RBFOX3: variants seen among roughly 807,000 people sequenced by gnomAD.
RBFOX3 encodes RNA binding protein fox-1 homolog 3.
RBFOX3 carries 17 observed loss-of-function variants against 48.7 expected under a neutral mutation model. The ratio of observed to expected loss-of-function variants is 0.35; its 90% CI spans 0.24 to 0.52. The LOEUF (loss-of-function observed/expected upper bound fraction) is 0.52, where lower values mean the gene tolerates loss of function less well. RBFOX3 is among the 20% of genes least tolerant of loss of function. RBFOX3 has a pLI of 0.94. For missense variants in RBFOX3, 382 were observed against 497.5 expected (o/e 0.77, Z 2.21); for synonymous variants, 212 against 209.5 (o/e 1.01, Z -0.10).
intron 4 of RBFOX3, among the ~76,000 whole-genome samples, chr17:79,197,023 C>T (rs925584345): frequency 6.6e-6 from 1 of 152,154 alleles, no homozygotes; most frequent in South Asian, 2.1e-4. Flanking sequence ...AAGTAGTAGG[C>T]ACTGGGGCTG....
intron 4 of RBFOX3, among the ~76,000 whole-genome samples, chr17:79,163,384 G>A (rs1035310752): frequency 6.6e-6 from 1 of 152,236 alleles, no homozygotes; most frequent in Admixed American, 6.5e-5. Flanking sequence ...AGAGATCCCG[G>A]AAACAAGACT....
intron 4 of RBFOX3, among the ~76,000 whole-genome samples, chr17:79,219,617 C>T (rs142143849): frequency 3.3e-5 from 5 of 151,974 alleles, no homozygotes; most frequent in Non-Finnish European, 7.4e-5. Flanking sequence ...CACAGGGGCT[C>T]GCAGAGGAAG....
chr17:79,260,457 CT>C (rs1244493723), intron 3 of RBFOX3, among the ~76,000 whole-genome samples: 1 of 152,226 alleles, frequency 6.6e-6, no homozygotes, highest in Non-Finnish European at 1.5e-5. Context: ...AGAACGTGGC[CT>C]GAGAAGGGCC....
At chr17:79,438,590 ACTCCCCGTCTC>A (rs1297431353) in intron 2 of RBFOX3, among the ~76,000 whole-genome samples, 1 of 151,930 alleles carries the variant, frequency 6.6e-6, no homozygotes, top group African/African-American at 2.4e-5. Flanking sequence ...CTCTGGGGTC[ACTCCCCGTCTC>A]CTCTCCCCTC....
chr17:79,547,860 C>G lies in RBFOX3; in HGVS notation c.-320+62966G>C, dbSNP rs370432163. 2.6e-5 allele frequency among the ~76,000 whole-genome samples: 4 copies of G among 152,126 alleles called. No individual in the cohort carries two copies. In the East Asian group the frequency reaches 5.8e-4, roughly 22 times the overall value. The stretch of plus-strand genomic sequence containing the variant: ...CACCCACACCGATTCACAGCCTTAG[C>G]CAACATCCCGGCACCCCAGTGAAGG... On this transcript the variant is annotated intron_variant, in intron 1 of 14. Transcript: ENST00000693108.
At chr17:79,566,931 T>C (rs1475838922) in intron 1 of RBFOX3, among the ~76,000 whole-genome samples, 3 of 152,242 alleles carry the variant, frequency 2.0e-5, no homozygotes, top group Non-Finnish European at 4.4e-5. Context: ...ACCTGGTTCA[T>C]GTGCACCTCT....
chr17:79,359,028 A>G (rs949685602), intron 2 of RBFOX3, among the ~76,000 whole-genome samples: 6 of 152,266 alleles, frequency 3.9e-5, no homozygotes, highest in African/African-American at 1.4e-4. Context: ...GGCACAGAGC[A>G]CTGGAAACTT....
chr17:79,509,528 TGTATC>T (rs1355559145), intron 1 of RBFOX3, among the ~76,000 whole-genome samples: 1 of 151,944 alleles, frequency 6.6e-6, no homozygotes, highest in Non-Finnish European at 1.5e-5. Context: ...GGCAGGCACT[TGTATC>T]GTAACAGCGT....
At position 79,362,448 on chromosome 17, in the gene RBFOX3, G is replaced by A. The variant is rs1056628133; in HGVS notation, c.-174-54624C>T. 1.3e-5 allele frequency among the ~76,000 whole-genome samples: 2 copies of A among 152,178 alleles called. No homozygotes were observed. The highest frequency in any genetic ancestry group is 2.9e-5 in the Non-Finnish European group (2 of 68,022). ...AGGATCACCCAGGGGACCAGGGGGT[G>A]GGGGTGGCGGTGGGCGTGGAAGGCC... is the stretch of plus-strand genomic sequence containing the variant. On this transcript the variant is annotated intron_variant, in intron 2 of 14. Transcript: ENST00000693108. The surrounding 1 kb of genome is among the most constrained non-coding windows in gnomAD (Gnocchi z 4.2).
chr17:79,369,202 C>G (rs2147546028), intron 2 of RBFOX3, among the ~76,000 whole-genome samples: 1 of 152,260 alleles, frequency 6.6e-6, no homozygotes, highest in African/African-American at 2.4e-5. Flanking sequence ...GGAGGGGCTG[C>G]CCATCAGCCG....
At chr17:79,223,656 C>T (rs969885640) in intron 4 of RBFOX3, among the ~76,000 whole-genome samples, 1 of 152,122 alleles carries the variant, frequency 6.6e-6, no homozygotes, top group Non-Finnish European at 1.5e-5. Context: ...CTGGTCAGAA[C>T]GCCAGCAGCT....
chr17:79,412,801 G>C (rs1054492345), intron 2 of RBFOX3, among the ~76,000 whole-genome samples: 1 of 151,918 alleles, frequency 6.6e-6, no homozygotes, highest in African/African-American at 2.4e-5. Flanking sequence ...GTGTATGTGT[G>C]TGTGCCTCTA....
chr17:79,534,664 T>C (rs2088393097), intron 1 of RBFOX3, among the ~76,000 whole-genome samples: 1 of 152,186 alleles, frequency 6.6e-6, no homozygotes, highest in Non-Finnish European at 1.5e-5. Flanking sequence ...CAATGATGAA[T>C]GGCCATTGCC....
intron 2 of RBFOX3, among the ~76,000 whole-genome samples, chr17:79,325,196 T>C (rs2079117331): frequency 6.6e-6 from 1 of 152,126 alleles, no homozygotes; most frequent in African/African-American, 2.4e-5. Context: ...AAAGGACAAA[T>C]GGTGGCAGGG....
intron 3 of RBFOX3, among the ~76,000 whole-genome samples, chr17:79,263,412 C>G (rs1004083289): frequency 2.0e-5 from 3 of 152,228 alleles, no homozygotes; most frequent in Non-Finnish European, 4.4e-5. Context: ...CTGGAAGGCA[C>G]GTGGAGTTTC....
rs1440346813 is a variant in RBFOX3, at chr17:79,361,148, C to T, written c.-174-53324G>A. Among the ~76,000 whole-genome samples, 1 of 152,146 alleles carries T rather than the reference C, an allele frequency of 6.6e-6. No individual in the cohort carries two copies. Among genetic ancestry groups the T allele is most frequent in the African/African-American group, 2.4e-5 (1 of 41,416 alleles). On this transcript the variant is annotated intron_variant, in intron 2 of 14. Transcript: ENST00000693108. The surrounding 1 kb of genome is among the most constrained non-coding windows in gnomAD (Gnocchi z 4.5). The stretch of plus-strand genomic sequence containing the variant: ...CAAAGGTTTGAAAGAGGGTGACAGA[C>T]AGCTGTCACCCTCCCTCTGCTAACA...
At chr17:79,647,856 G>A in the RBFOX3 span, among the ~76,000 whole-genome samples, 3 of 152,170 alleles carry the variant, frequency 2.0e-5, no homozygotes, top group African/African-American at 4.8e-5. Flanking sequence ...GGCCAGTGCT[G>A]TGGTGGACAC....
At chr17:79,656,784 AAG>A in the RBFOX3 span, among the ~76,000 whole-genome samples, 2 of 25,504 alleles carry the variant, frequency 7.8e-5, no homozygotes, top group African/African-American at 1.2e-4. Context: ...GAAGGAAAGA[AAG>A]AAAGAAAGAA....
intron 1 of RBFOX3, among the ~76,000 whole-genome samples, chr17:79,525,452 T>A (rs2086671013): frequency 6.6e-6 from 1 of 152,162 alleles, no homozygotes. Flanking sequence ...TGCCAAAAAG[T>A]GAGAAAGACT....
Sources: allele counts gnomAD v4.1 joint callset (sites outside exome capture counted in the v4.1 genomes callset), GRCh38; gene constraint gnomAD v4.1.1; non-coding constraint Gnocchi (gnomAD v3.1); transcripts MANE v1.5; gene names NCBI Gene and HGNC (gene_info 2026-07-23, HGNC 2026-07-21).